The following DPF3 variants were observed in gnomAD, a reference collection of about 807,000 sequenced individuals.
The protein encoded by DPF3 is double PHD fingers 3.
A neutral mutation model predicts 56.8 loss-of-function variants in DPF3; 18 were observed. The observed-to-expected ratio is 0.32, with a 90% CI of 0.22 to 0.47. DPF3 has a LOEUF of 0.47. Ranked by LOEUF, DPF3 falls within the 20% of genes least tolerant of loss-of-function variation. DPF3 has a pLI of 1.00. For synonymous variants in DPF3, 188 were observed against 180.2 expected, an observed-to-expected ratio of 1.04 and a Z score of -0.35; for missense variants, 403 against 488.8, an observed-to-expected ratio of 0.82 and a Z score of 1.65.
intron 1 of DPF3, among the ~76,000 whole-genome samples, chr14:72,859,473 C>T (rs1264504469): frequency 1.1e-5 from 1 of 93,926 alleles, no homozygotes; most frequent in Non-Finnish European, 2.2e-5. Context: ...GCTTCCTCCC[C>T]CCCCCCCCCC....
intron 1 of DPF3, among the ~76,000 whole-genome samples, chr14:72,777,300 T>G (rs1891782598): frequency 1.3e-5 from 2 of 152,256 alleles, no homozygotes; most frequent in Non-Finnish European, 2.9e-5. Flanking sequence ...AAACTGTTCA[T>G]GGAAAGCTCC....
intron 8 of DPF3, among the ~76,000 whole-genome samples, chr14:72,639,411 C>T (rs986795931): frequency 9.2e-5 from 14 of 152,150 alleles, no homozygotes; most frequent in African/African-American, 3.1e-4. Context: ...CTAAATGACT[C>T]ACCTCAAACT....
At chr14:72,681,901 G>C (rs1567198886) in intron 7 of DPF3, among the ~76,000 whole-genome samples, 1 of 152,188 alleles carries the variant, frequency 6.6e-6, no homozygotes, top group Non-Finnish European at 1.5e-5. Flanking sequence ...CTTCGGAATA[G>C]TAAGAAAAAG....
At chr14:72,777,933 C>T (rs1891813255) in intron 1 of DPF3, among the ~76,000 whole-genome samples, 1 of 152,078 alleles carries the variant, frequency 6.6e-6, no homozygotes, top group Non-Finnish European at 1.5e-5. Flanking sequence ...TTCTTTATAG[C>T]AATACAAGAA....
At chr14:72,879,814 A>G (rs1158209327) in intron 1 of DPF3, 1 of 1,535,414 alleles carries the variant, frequency 6.5e-7, no homozygotes, top group Non-Finnish European at 8.7e-7. Flanking sequence ...CCTAGAGCCC[A>G]TGGGCCTCCA....
At chr14:72,857,552 T>C (rs924897446) in intron 1 of DPF3, among the ~76,000 whole-genome samples, 1 of 152,080 alleles carries the variant, frequency 6.6e-6, no homozygotes, top group Non-Finnish European at 1.5e-5. Context: ...TGGCACCTAG[T>C]ACATGCTAGG....
intron 1 of DPF3, among the ~76,000 whole-genome samples, chr14:72,798,243 A>T: frequency 8.7e-6 from 1 of 115,518 alleles, no homozygotes; most frequent in Non-Finnish European, 1.7e-5. Context: ...AGACAGAGCT[A>T]GCCTTCATCT....
At chr14:72,878,027 G>A (rs1050544251) in intron 1 of DPF3, among the ~76,000 whole-genome samples, 7 of 152,102 alleles carry the variant, frequency 4.6e-5, no homozygotes, top group Non-Finnish European at 8.8e-5. Flanking sequence ...CTGAGTTAAC[G>A]AATATTTTTC....
chr14:72,701,505 C>A (rs575777547), intron 6 of DPF3, among the ~76,000 whole-genome samples: 4 of 152,196 alleles, frequency 2.6e-5, no homozygotes, highest in African/African-American at 9.7e-5. Context: ...ACTGCACGCC[C>A]CCTGCCCTCC....
chr14:72,671,115 C>CA, intron 8 of DPF3: 1 of 1,612,724 alleles, frequency 6.2e-7, no homozygotes, highest in Non-Finnish European at 8.5e-7. Flanking sequence ...GCTAATTGCC[C>CA]AGAGAGTCTG....
chr14:72,649,841 G>A (rs1199147434), intron 8 of DPF3, among the ~76,000 whole-genome samples: 1 of 152,154 alleles, frequency 6.6e-6, no homozygotes, highest in Non-Finnish European at 1.5e-5. Flanking sequence ...ATTTACTCAA[G>A]ACAACCCAGC....
intron 9 of DPF3, among the ~76,000 whole-genome samples, chr14:72,622,675 C>A (rs1884529674): frequency 6.6e-6 from 1 of 151,972 alleles, no homozygotes; most frequent in Non-Finnish European, 1.5e-5. Context: ...CCACCAAGAG[C>A]CCCCAGCTTA....
chr14:72,640,619 G>A (rs954506315), intron 8 of DPF3, among the ~76,000 whole-genome samples: 1 of 152,226 alleles, frequency 6.6e-6, no homozygotes, highest in Non-Finnish European at 1.5e-5. Context: ...TTGAATATGT[G>A]TGTGAGGAAG....
At chr14:72,773,562 C>G (rs1891630531) in intron 1 of DPF3, among the ~76,000 whole-genome samples, 1 of 152,180 alleles carries the variant, frequency 6.6e-6, no homozygotes, top group South Asian at 2.1e-4. Flanking sequence ...CTATCCATTC[C>G]CAGAACTCTT....
chr14:72,805,880 G>A (rs1882754719), intron 1 of DPF3: 1 of 152,094 alleles, frequency 6.6e-6, no homozygotes, highest in African/African-American at 2.4e-5. Context: ...GGTGTGAAAA[G>A]TAGGATGGGT....
intron 5 of DPF3, among the ~76,000 whole-genome samples, chr14:72,722,389 G>T (rs969430581): frequency 1.3e-5 from 2 of 152,202 alleles, no homozygotes; most frequent in African/African-American, 4.8e-5. Flanking sequence ...TGTGTGCCGC[G>T]CTGGCCGATG....
intron 1 of DPF3, chr14:72,892,072 A>C: frequency 6.9e-7 from 1 of 1,450,996 alleles, no homozygotes; most frequent in Non-Finnish European, 9.1e-7. Context: ...ACACAAGCTT[A>C]GAGATACTGC....
intron 3 of DPF3, among the ~76,000 whole-genome samples, chr14:72,734,219 C>T (rs1244972892): frequency 1.3e-5 from 2 of 152,060 alleles, no homozygotes; most frequent in African/African-American, 2.4e-5. Context: ...TACGAATTGT[C>T]GTAAATGTTA....
Position 72,880,002 on chromosome 14 carries a change from G to C in DPF3, c.32+14055C>G, listed in dbSNP as rs1475801327. On this transcript the variant is annotated intron_variant, in intron 1 of 10. Coordinates refer to ENST00000556509, the MANE Select transcript of DPF3 (RefSeq NM_001280542.3). ...AACACCCATCAAGACTGAGTAGCCTGCACACTAGACTGTGGTATAGAATCC... is the reference window on the plus strand; with the variant it reads ...AACACCCATCAAGACTGAGTAGCCTCCACACTAGACTGTGGTATAGAATCC... The C allele has an allele frequency of 4.2e-6, 6 of 1,432,054 alleles. No individual in the cohort carries two copies. In the African/African-American group the frequency reaches 4.3e-5, roughly 10 times the overall value. The allele number at this position is 1,432,054 out of a possible 1,614,324, so 88.7% of individuals were successfully genotyped here.
Sources: allele counts gnomAD v4.1 joint callset (sites outside exome capture counted in the v4.1 genomes callset), GRCh38; gene constraint gnomAD v4.1.1; transcripts MANE v1.5; gene names NCBI Gene and HGNC (gene_info 2026-07-23, HGNC 2026-07-21).